The following SERPINI2 variants were observed in gnomAD, a reference collection of about 807,000 sequenced individuals.
The protein encoded by SERPINI2 is serpin I2.
Under a neutral mutation model 47.3 loss-of-function variants are expected in SERPINI2, and 48 were observed. The ratio of observed to expected loss-of-function variants is 1.02; its 90% CI spans 0.81 to 1.29. The LOEUF (loss-of-function observed/expected upper bound fraction) is 1.29, where lower values mean the gene tolerates loss of function less well. Among genes scored for constraint, SERPINI2 ranks in the 50% most tolerant of loss-of-function variants. The pLI, the probability that SERPINI2 is intolerant of heterozygous loss-of-function variation, is 0.00. For synonymous variants in SERPINI2, 135 were observed against 149.3 expected (o/e 0.90, Z 0.70); for missense variants, 448 against 456.9 (o/e 0.98, Z 0.18).
At chr3:167,476,074 A>C (rs1577182121), upstream of SERPINI2, among the ~76,000 whole-genome samples, 1 of 151,882 alleles carries the variant, frequency 6.6e-6, no homozygotes, top group East Asian at 1.9e-4. Context: ...AAAATGTTAA[A>C]TTATATTTAG....
intron 1 of SERPINI2, 195 bp downstream of exon 1, chr3:167,473,808 T>A (rs1387183828): frequency 3.5e-6 from 5 of 1,428,658 alleles, no homozygotes; most frequent in Non-Finnish European, 3.7e-6. Flanking sequence ...TGATGAATAG[T>A]CCTATAAGAA....
At chr3:167,463,644 T>C (rs1218268344) in intron 5 of SERPINI2, among the ~76,000 whole-genome samples, 1 of 152,104 alleles carries the variant, frequency 6.6e-6, no homozygotes, top group Non-Finnish European at 1.5e-5. Flanking sequence ...ATGAGAGAAG[T>C]AGAGGATACT....
At chr3:167,449,472 A>G (rs921893801) in intron 6 of SERPINI2, 70 bp from the exon 7 acceptor site, 1 of 743,212 alleles carries the variant, frequency 1.3e-6, no homozygotes, top group Non-Finnish European at 2.1e-6. Flanking sequence ...ATTAGATCTC[A>G]ATTAATTACA....
rs73878709 is a variant in SERPINI2, at chr3:167,468,010, G to C, written c.248-725C>G. Among the ~76,000 whole-genome samples, 703 of 152,230 alleles carry C rather than the reference G, an allele frequency of 4.6e-3. 6 individuals are homozygous for C. The highest frequency in any genetic ancestry group is 0.024 in the Middle Eastern group (7 of 294). Reference sequence around the variant, plus strand: ...ACTGTTCTGACTGTAGTGTTGTCTGGAAGCTATATATGCGTATGAGAGAAC... The same window carrying C: ...ACTGTTCTGACTGTAGTGTTGTCTGCAAGCTATATATGCGTATGAGAGAAC... On this transcript the variant is annotated intron_variant, in intron 2 of 8. Transcript: ENST00000264677.
At chr3:167,452,681 T>C (rs1395829355) in intron 6 of SERPINI2, among the ~76,000 whole-genome samples, 1 of 152,190 alleles carries the variant, frequency 6.6e-6, no homozygotes. Flanking sequence ...ATATAATACT[T>C]TTACTTATGT....
At chr3:167,446,564 C>T (rs2272140) in intron 7 of SERPINI2, 83 bp from the exon 8 acceptor site, 193,784 of 857,808 alleles carry the variant, frequency 0.23, 24,904 homozygotes, top group African/African-American at 0.47. Context: ...ATTTTGTAGA[C>T]AGGAAAAGTC....
intron 6 of SERPINI2, among the ~76,000 whole-genome samples, chr3:167,450,049 G>C (rs1749600415): frequency 6.6e-6 from 1 of 152,168 alleles, no homozygotes; most frequent in African/African-American, 2.4e-5. Context: ...CAGAATGAAA[G>C]AGGCTTTCCA....
intron 1 of SERPINI2, 46 bp from the exon 2 acceptor site, chr3:167,471,890 TC>T: frequency 6.8e-7 from 1 of 1,464,778 alleles, no homozygotes; most frequent in South Asian, 1.2e-5. Flanking sequence ...AATAGAGTTT[TC>T]CACAGAGAGC....
intron 5 of SERPINI2, among the ~76,000 whole-genome samples, chr3:167,453,778 A>C (rs1055689669): frequency 3.3e-5 from 5 of 151,898 alleles, no homozygotes; most frequent in Non-Finnish European, 4.4e-5. Flanking sequence ...TGAAAAGGGA[A>C]CTTAACCAGA....
intron 5 of SERPINI2, among the ~76,000 whole-genome samples, chr3:167,456,089 G>T (rs1453358376): frequency 6.6e-6 from 1 of 151,524 alleles, no homozygotes; most frequent in Admixed American, 6.6e-5. Flanking sequence ...TTTGACAATG[G>T]TGGCCCTAGA....
chr3:167,469,246 T>C (rs927359324), intron 2 of SERPINI2: 12 of 152,298 alleles, frequency 7.9e-5, no homozygotes, highest in Middle Eastern at 6.8e-3. Context: ...CCACAGGTCA[T>C]GGGTGAATGT....
At chr3:167,474,254 T>G (rs1213449393), upstream of SERPINI2, 1 of 412,650 alleles carries the variant, frequency 2.4e-6, no homozygotes, top group East Asian at 1.6e-4. Context: ...TTAAAAGTAT[T>G]AAATTTATAT....
intron 6 of SERPINI2, 24 bp from the exon 7 acceptor site, chr3:167,449,426 A>T: frequency 7.0e-7 from 1 of 1,427,192 alleles, no homozygotes; most frequent in Non-Finnish European, 9.8e-7. Context: ...AATACACAAA[A>T]GTGTATTTAA....
chr3:167,465,070 G>T, intron 5 of SERPINI2, 136 bp downstream of exon 5: 1 of 767,432 alleles, frequency 1.3e-6, no homozygotes, highest in Non-Finnish European at 2.1e-6. Context: ...CAAAAGTAGA[G>T]TAAAATTTCC....
upstream of SERPINI2, among the ~76,000 whole-genome samples, chr3:167,475,232 A>C (rs574468211): frequency 6.6e-6 from 1 of 151,958 alleles, no homozygotes; most frequent in South Asian, 2.1e-4. Context: ...TTTTCCAAAA[A>C]GAGTTGTGCA....
chr3:167,455,927 A>G (rs1228935657), intron 5 of SERPINI2, among the ~76,000 whole-genome samples: 1 of 152,140 alleles, frequency 6.6e-6, no homozygotes, highest in East Asian at 1.9e-4. Flanking sequence ...ATCACTTTCC[A>G]CCAGGCCCCA....
intron 7 of SERPINI2, chr3:167,446,705 T>G (rs993833776): frequency 6.8e-6 from 2 of 294,548 alleles, no homozygotes; most frequent in Non-Finnish European, 6.2e-6. Context: ...TAACTTTATA[T>G]GTATGCTCAA....
At chr3:167,448,569 C>A (rs369795361) in intron 7 of SERPINI2, among the ~76,000 whole-genome samples, 10 of 152,160 alleles carry the variant, frequency 6.6e-5, no homozygotes, top group African/African-American at 2.2e-4. Flanking sequence ...GTTGCCCAGG[C>A]TGGAGTGCAG....
upstream of SERPINI2, among the ~76,000 whole-genome samples, chr3:167,476,746 C>A (rs78432702): frequency 6.6e-6 from 1 of 151,922 alleles, no homozygotes; most frequent in African/African-American, 2.4e-5. Context: ...CACTTCAGAA[C>A]GCTGAGGGTA....
Sources: gnomAD v4.1 joint callset for allele counts (sites outside exome capture counted in the v4.1 genomes callset) on GRCh38, gnomAD v4.1.1 for gene constraint, MANE v1.5 for transcripts, NCBI Gene and HGNC (gene_info 2026-07-23, HGNC 2026-07-21) for gene names.